Variants in NR2F1-AS1 observed in about 807,000 individuals in gnomAD.
The protein encoded by NR2F1-AS1 is NR2F1 antisense RNA 1.
intron 4 of NR2F1-AS1, among the ~76,000 whole-genome samples, chr5:93,498,442 CT>C (rs1311836413): frequency 6.6e-6 from 1 of 152,002 alleles, no homozygotes; most frequent in Non-Finnish European, 1.5e-5. Flanking sequence ...TTACAAAATT[CT>C]TACTTCTGGC....
intron 4 of NR2F1-AS1, among the ~76,000 whole-genome samples, chr5:93,547,226 A>C (rs1021665628): frequency 2.6e-5 from 4 of 152,186 alleles, no homozygotes; most frequent in Admixed American, 1.3e-4. Context: ...ACACTGACTG[A>C]TACACCAACA....
intron 4 of NR2F1-AS1, among the ~76,000 whole-genome samples, chr5:93,450,070 T>TA (rs1326361619): frequency 1.3e-5 from 2 of 152,190 alleles, no homozygotes; most frequent in Non-Finnish European, 2.9e-5. Flanking sequence ...TGAAACCTGT[T>TA]AAGCACCTTC....
chr5:93,505,468 T>G (rs1173828681), intron 4 of NR2F1-AS1, among the ~76,000 whole-genome samples: 2 of 152,196 alleles, frequency 1.3e-5, no homozygotes, highest in Non-Finnish European at 2.9e-5. Flanking sequence ...ACATTTCCCT[T>G]CTGCACTGCC....
chr5:93,562,183 C>CAAAAAAAAAAAAAAAAAAAA, intron 2 of NR2F1-AS1, among the ~76,000 whole-genome samples: 1 of 50,612 alleles, frequency 2.0e-5, no homozygotes, highest in Non-Finnish European at 4.2e-5. Context: ...CCCATCTCTA[C>CAAAAAAAAAAAAAAAAAAAA]AAAAAAAAAA....
At chr5:93,524,615 G>C (rs1014134446) in intron 4 of NR2F1-AS1, among the ~76,000 whole-genome samples, 4 of 152,078 alleles carry the variant, frequency 2.6e-5, no homozygotes, top group Admixed American at 2.6e-4. Flanking sequence ...CAGTAAGGTC[G>C]GGTCACCTAT....
At chr5:93,411,666 T>C (rs1013445872) in intron 4 of NR2F1-AS1, among the ~76,000 whole-genome samples, 1 of 152,128 alleles carries the variant, frequency 6.6e-6, no homozygotes, top group African/African-American at 2.4e-5. Context: ...TAAAGCTTTA[T>C]CTCCCTACTT....
chr5:93,573,728 C>T (rs1018754449), intron 1 of NR2F1-AS1, among the ~76,000 whole-genome samples: 16 of 152,164 alleles, frequency 1.1e-4, no homozygotes, highest in African/African-American at 3.9e-4. Flanking sequence ...ACGCACGGGA[C>T]GCTGTCTCTC....
At chr5:93,494,015 A>G (rs1289516308) in intron 4 of NR2F1-AS1, among the ~76,000 whole-genome samples, 1 of 152,220 alleles carries the variant, frequency 6.6e-6, no homozygotes, top group Admixed American at 6.5e-5. Context: ...AAAAATTAAA[A>G]TATTTGTGTA....
At chr5:93,561,093 G>A (rs1451589097) in intron 2 of NR2F1-AS1, among the ~76,000 whole-genome samples, 1 of 152,158 alleles carries the variant, frequency 6.6e-6, no homozygotes, top group African/African-American at 2.4e-5. Context: ...AACCAACATG[G>A]AGAAACTCCA....
intron 4 of NR2F1-AS1, among the ~76,000 whole-genome samples, chr5:93,445,635 G>A (rs1180129516): frequency 6.6e-6 from 1 of 152,014 alleles, no homozygotes; most frequent in East Asian, 1.9e-4. Flanking sequence ...AGAGGAGCTG[G>A]TACCATTCCT....
At chr5:93,545,858 C>G (rs1752072737) in intron 4 of NR2F1-AS1, among the ~76,000 whole-genome samples, 1 of 152,216 alleles carries the variant, frequency 6.6e-6, no homozygotes, top group South Asian at 2.1e-4. Flanking sequence ...AATAAATTCA[C>G]TTGTCGTTAC....
intron 4 of NR2F1-AS1, among the ~76,000 whole-genome samples, chr5:93,498,643 C>T (rs1449978301): frequency 1.3e-5 from 2 of 151,974 alleles, no homozygotes; most frequent in South Asian, 2.1e-4. Flanking sequence ...CATCCCAATA[C>T]TAGATGCAGT....
intron 4 of NR2F1-AS1, among the ~76,000 whole-genome samples, chr5:93,504,641 C>T (rs1297761392): frequency 2.0e-5 from 3 of 151,806 alleles, no homozygotes; most frequent in African/African-American, 7.3e-5. Flanking sequence ...AGGCAAAAGG[C>T]ACTTCTTACA....
At chr5:93,519,785 G>T (rs1258321715) in intron 4 of NR2F1-AS1, among the ~76,000 whole-genome samples, 2 of 151,860 alleles carry the variant, frequency 1.3e-5, no homozygotes, top group Non-Finnish European at 2.9e-5. Context: ...TGCAACAACT[G>T]CTACTACACA....
At chr5:93,578,420 T>A (rs761002327) in intron 1 of NR2F1-AS1, among the ~76,000 whole-genome samples, 2 of 151,618 alleles carry the variant, frequency 1.3e-5, no homozygotes, top group African/African-American at 2.4e-5. Context: ...ACACTAAAGA[T>A]CTAGTGTGCA....
intron 4 of NR2F1-AS1, among the ~76,000 whole-genome samples, chr5:93,420,197 C>T (rs1436514736): frequency 6.6e-6 from 1 of 152,004 alleles, no homozygotes; most frequent in Non-Finnish European, 1.5e-5. Context: ...GTCTCAAAAC[C>T]AACAAACAAA....
chr5:93,428,916 A>G (rs1749250048), intron 4 of NR2F1-AS1, among the ~76,000 whole-genome samples: 1 of 152,178 alleles, frequency 6.6e-6, no homozygotes, highest in Admixed American at 6.5e-5. Context: ...GTGGCTTTGA[A>G]CTGGGGTGGA....
At chr5:93,527,949 C>T (rs570568785) in intron 4 of NR2F1-AS1, among the ~76,000 whole-genome samples, 3 of 152,122 alleles carry the variant, frequency 2.0e-5, no homozygotes, top group South Asian at 2.1e-4. Context: ...AAAGACTTCA[C>T]GACTAAAATA....
At chr5:93,563,472 A>G (rs1171908986) in intron 1 of NR2F1-AS1, 1 of 152,196 alleles carries the variant, frequency 6.6e-6, no homozygotes, top group Non-Finnish European at 1.5e-5. Context: ...TGCTGGAGAA[A>G]CACAGGGAAA....
Sources: allele counts gnomAD v4.1 joint callset (sites outside exome capture counted in the v4.1 genomes callset), GRCh38; gene constraint gnomAD v4.1.1; transcripts MANE v1.5; gene names NCBI Gene and HGNC (gene_info 2026-07-23, HGNC 2026-07-21).